ZNF722: variants seen among roughly 807,000 people sequenced by gnomAD.
ZNF722 encodes zinc finger protein 479 pseudogene.
the ZNF722 span, among the ~76,000 whole-genome samples, chr7:64,016,712 C>A: frequency 1.3e-5 from 2 of 152,126 alleles, no homozygotes; most frequent in South Asian, 2.1e-4. Flanking sequence ...TGTGGCAAAG[C>A]CTTTAACTGG....
chr7:64,003,683 A>G, the ZNF722 span, among the ~76,000 whole-genome samples: 1,114 of 152,248 alleles, frequency 7.3e-3, 7 homozygotes, highest in Non-Finnish European at 0.013. Context: ...TATTTTTTCT[A>G]TATGCCATGG....
the ZNF722 span, among the ~76,000 whole-genome samples, chr7:64,007,775 A>T: frequency 2.8e-4 from 42 of 152,214 alleles, no homozygotes; most frequent in Non-Finnish European, 3.8e-4. Flanking sequence ...GGATCACTGG[A>T]TCAAATGGTA....
At chr7:64,017,626 G>T in the ZNF722 span, among the ~76,000 whole-genome samples, 4 of 152,172 alleles carry the variant, frequency 2.6e-5, no homozygotes, top group Non-Finnish European at 2.9e-5. Flanking sequence ...GCCTAAACAT[G>T]TAATGAATGT....
the ZNF722 span, among the ~76,000 whole-genome samples, chr7:64,013,709 T>C: frequency 1.3e-5 from 2 of 152,252 alleles, no homozygotes; most frequent in Admixed American, 6.5e-5. Context: ...TTTTATTTTT[T>C]TATATATGCA....
the ZNF722 span, among the ~76,000 whole-genome samples, chr7:64,004,842 G>C: frequency 6.6e-6 from 1 of 152,186 alleles, no homozygotes; most frequent in Admixed American, 6.5e-5. Context: ...TTCTTACTAG[G>C]CTAGAAACAT....
the ZNF722 span, among the ~76,000 whole-genome samples, chr7:64,017,244 T>C: frequency 0.71 from 107,639 of 152,000 alleles, 38,738 homozygotes; most frequent in Non-Finnish European, 0.77. Context: ...ATTAGCCAGG[T>C]GTGGTGGCGT....
chr7:64,007,230 G>GTATATATATATATATATATATA, the ZNF722 span, among the ~76,000 whole-genome samples: 791 of 137,854 alleles, frequency 5.7e-3, 10 homozygotes, highest in African/African-American at 0.014. Flanking sequence ...GTTTGTGTGT[G>GTATATATATATATATATATATA]TATATATATA....
chr7:64,011,548 C>T, the ZNF722 span, among the ~76,000 whole-genome samples: 8 of 152,106 alleles, frequency 5.3e-5, no homozygotes, highest in African/African-American at 1.9e-4. Context: ...GTTGAAAATT[C>T]TTTTCTTTAA....
the ZNF722 span, among the ~76,000 whole-genome samples, chr7:64,006,034 A>G: frequency 6.6e-6 from 1 of 152,166 alleles, no homozygotes; most frequent in East Asian, 1.9e-4. Flanking sequence ...TGTTTGATTC[A>G]GTAGTACTGA....
the ZNF722 span, among the ~76,000 whole-genome samples, chr7:64,003,446 C>T: frequency 6.6e-6 from 1 of 151,928 alleles, no homozygotes; most frequent in Non-Finnish European, 1.5e-5. Context: ...ATGTCCAGAG[C>T]ATCTTATCTG....
the ZNF722 span, chr7:64,015,261 T>G: frequency 8.3e-7 from 1 of 1,211,770 alleles, no homozygotes; most frequent in Non-Finnish European, 1.2e-6. Context: ...TGTCATAGTC[T>G]TTGGTAAATT....
At chr7:64,013,774 T>A in the ZNF722 span, among the ~76,000 whole-genome samples, 7 of 152,170 alleles carry the variant, frequency 4.6e-5, no homozygotes, top group Non-Finnish European at 5.9e-5. Context: ...CGTCATATTA[T>A]TTTAAGTGGA....
chr7:63,998,853 T>G, the ZNF722 span: 1 of 1,284,982 alleles, frequency 7.8e-7, no homozygotes, highest in Non-Finnish European at 1.1e-6. Context: ...CGGGTCCTTT[T>G]GTGCTTCTCT....
At chr7:64,012,470 C>G in the ZNF722 span, among the ~76,000 whole-genome samples, 11 of 152,176 alleles carry the variant, frequency 7.2e-5, no homozygotes, top group East Asian at 2.1e-3. Flanking sequence ...TGTGGTTGTC[C>G]TTTTTGTTGA....
the ZNF722 span, among the ~76,000 whole-genome samples, chr7:64,004,426 A>AAAAAAAAAAAAATATATATATG: frequency 7.6e-4 from 36 of 47,644 alleles, 1 homozygote; most frequent in East Asian, 0.012. Context: ...AAAAAAAAAA[A>AAAAAAAAAAAAATATATATATG]TATATATATA....
the ZNF722 span, among the ~76,000 whole-genome samples, chr7:64,012,806 T>TA: frequency 6.6e-6 from 1 of 152,202 alleles, no homozygotes; most frequent in South Asian, 2.1e-4. Flanking sequence ...ATGTGGGGCC[T>TA]AATGAGAGCT....
At chr7:64,016,452 T>G in the ZNF722 span, among the ~76,000 whole-genome samples, 1 of 150,512 alleles carries the variant, frequency 6.6e-6, no homozygotes, top group African/African-American at 2.4e-5. Context: ...AAAAAAAAAG[T>G]GAAAAAACCT....
chr7:64,016,334 C>T, the ZNF722 span, among the ~76,000 whole-genome samples: 1 of 151,930 alleles, frequency 6.6e-6, no homozygotes, highest in South Asian at 2.1e-4. Flanking sequence ...GATGGAGTTT[C>T]ACCATGTTGG....
the ZNF722 span, among the ~76,000 whole-genome samples, chr7:64,003,909 G>C: frequency 6.6e-6 from 1 of 151,516 alleles, no homozygotes; most frequent in South Asian, 2.1e-4. Context: ...TGCTCTATTA[G>C]TTCCATGCAG....
Sources: gnomAD v4.1 joint callset for allele counts (sites outside exome capture counted in the v4.1 genomes callset) on GRCh38, gnomAD v4.1.1 for gene constraint, MANE v1.5 for transcripts, NCBI Gene and HGNC (gene_info 2026-07-23, HGNC 2026-07-21) for gene names.